TENM3: variants seen among roughly 807,000 people sequenced by gnomAD.
The protein encoded by TENM3 is teneurin-3.
TENM3 carries 63 observed loss-of-function variants against 255.1 expected under a neutral mutation model. That is an observed-to-expected ratio of 0.25 (90% confidence interval 0.20 to 0.30). TENM3 has a LOEUF of 0.30. Among genes scored for constraint, TENM3 ranks in the 10% least tolerant of loss-of-function variants. The probability of loss-of-function intolerance (pLI) is 1.00; values close to 1 mark genes in which losing one functional copy is unlikely to be tolerated. For missense variants in TENM3, 2,929 were observed against 3,461.1 expected, an observed-to-expected ratio of 0.85 and a Z score of 3.86; for synonymous variants, 1,306 against 1,322.3, an observed-to-expected ratio of 0.99 and a Z score of 0.27.
intron 1 of TENM3, among the ~76,000 whole-genome samples, chr4:182,234,030 C>T (rs753271084): frequency 4.6e-5 from 7 of 152,152 alleles, no homozygotes; most frequent in East Asian, 1.9e-4. Flanking sequence ...ATTCCTTTAT[C>T]GGCCTTAGTA....
At chr4:182,472,843 G>A (rs1733266217) in intron 3 of TENM3, among the ~76,000 whole-genome samples, 1 of 152,084 alleles carries the variant, frequency 6.6e-6, no homozygotes, top group Non-Finnish European at 1.5e-5. Flanking sequence ...AGCCTCCCAA[G>A]TAGCTAGGAC....
chr4:182,694,979 A>G lies in TENM3; in HGVS notation c.2221+6628A>G, dbSNP rs190326386. Among the ~76,000 whole-genome samples, 362 of 152,382 alleles carry G rather than the reference A, an allele frequency of 2.4e-3. 1 individual carries two copies. Among genetic ancestry groups the G allele is most frequent in the African/African-American group, 8.0e-3 (333 of 41,590 alleles). The stretch of plus-strand genomic sequence containing the variant: ...GACCACTCTGATAAGTGCTTCACTT[A>G]AATTACAAAACTCAATATTCTTTGC... On this transcript the variant is annotated intron_variant, in intron 12 of 27. Coordinates refer to ENST00000511685, the MANE Select transcript of TENM3 (RefSeq NM_001080477.4).
At chr4:181,777,405 T>C in the TENM3 span, among the ~76,000 whole-genome samples, 1 of 152,126 alleles carries the variant, frequency 6.6e-6, no homozygotes, top group African/African-American at 2.4e-5. Flanking sequence ...CTTTTTTTGT[T>C]CCATACAAAT....
At chr4:182,613,495 T>G (rs369567331) in intron 4 of TENM3, among the ~76,000 whole-genome samples, 1 of 152,202 alleles carries the variant, frequency 6.6e-6, no homozygotes, top group Non-Finnish European at 1.5e-5. Context: ...AGAAACACTT[T>G]GCTTCATATT....
At chr4:182,618,966 G>C (rs1327095318) in intron 4 of TENM3, among the ~76,000 whole-genome samples, 1 of 152,092 alleles carries the variant, frequency 6.6e-6, no homozygotes, top group Non-Finnish European at 1.5e-5. Context: ...GAGCAGGAAA[G>C]AAGAGTAATT....
At chr4:181,558,595 G>A in the TENM3 span, among the ~76,000 whole-genome samples, 2 of 152,170 alleles carry the variant, frequency 1.3e-5, no homozygotes, top group South Asian at 4.1e-4. Flanking sequence ...TGAAATAATA[G>A]GTATGCCTGG....
At chr4:181,538,946 T>A in the TENM3 span, among the ~76,000 whole-genome samples, 1 of 152,204 alleles carries the variant, frequency 6.6e-6, no homozygotes, top group East Asian at 1.9e-4. Flanking sequence ...GGCTTTTTAA[T>A]TCTGTTGGGG....
At chr4:181,900,016 TTAA>T in the TENM3 span, among the ~76,000 whole-genome samples, 3 of 152,188 alleles carry the variant, frequency 2.0e-5, no homozygotes, top group Non-Finnish European at 4.4e-5. Flanking sequence ...ATTGCTGTAA[TTAA>T]TTTAGCAGAG....
At chr4:182,772,861 T>C (rs772576439) in intron 22 of TENM3, among the ~76,000 whole-genome samples, 75 of 152,180 alleles carry the variant, frequency 4.9e-4, no homozygotes, top group African/African-American at 1.8e-3. Context: ...TCTTTCAATA[T>C]CACTGTAGAC....
the TENM3 span, among the ~76,000 whole-genome samples, chr4:181,619,131 G>A: frequency 3.9e-5 from 6 of 152,134 alleles, no homozygotes; most frequent in African/African-American, 1.2e-4. Context: ...CAAGGGGGCC[G>A]TGAGGAGATA....
chr4:181,999,750 T>C, the TENM3 span, among the ~76,000 whole-genome samples: 3 of 152,104 alleles, frequency 2.0e-5, no homozygotes, highest in Admixed American at 1.3e-4. Flanking sequence ...CAAAATCTAA[T>C]GAAGATGTTT....
the TENM3 span, among the ~76,000 whole-genome samples, chr4:181,870,024 AC>A: frequency 2.6e-5 from 4 of 152,244 alleles, no homozygotes; most frequent in East Asian, 7.7e-4. Flanking sequence ...CGTTCTGTCT[AC>A]CATGAAGGTT....
At chr4:182,743,131 T>C (rs1463303170) in intron 18 of TENM3, 39 bp from the exon 19 acceptor site, 1 of 1,559,190 alleles carries the variant, frequency 6.4e-7, no homozygotes. Context: ...CTTTACACTT[T>C]TTCATCATAA....
intron 3 of TENM3, among the ~76,000 whole-genome samples, chr4:182,451,328 G>A (rs868631768): frequency 6.6e-6 from 1 of 152,092 alleles, no homozygotes; most frequent in South Asian, 2.1e-4. Flanking sequence ...ACTTCACATG[G>A]ACTCTTCTAC....
chr4:182,530,494 G>C (rs553957218), intron 3 of TENM3, among the ~76,000 whole-genome samples: 24 of 152,270 alleles, frequency 1.6e-4, no homozygotes, highest in Non-Finnish European at 2.5e-4. Flanking sequence ...GCTTGGTCTC[G>C]AGTAGAGTTC....
At chr4:181,734,393 T>G in the TENM3 span, among the ~76,000 whole-genome samples, 1 of 152,098 alleles carries the variant, frequency 6.6e-6, no homozygotes, top group Admixed American at 6.6e-5. Flanking sequence ...TAAATACGTG[T>G]GTGAATGAAT....
chr4:181,659,056 A>G, the TENM3 span, among the ~76,000 whole-genome samples: 1 of 152,198 alleles, frequency 6.6e-6, no homozygotes, highest in Non-Finnish European at 1.5e-5. Context: ...GAACAGATTG[A>G]TAACGTTTAC....
At chr4:182,198,787 A>G (rs900382301) in intron 1 of TENM3, among the ~76,000 whole-genome samples, 2 of 152,188 alleles carry the variant, frequency 1.3e-5, no homozygotes, top group African/African-American at 2.4e-5. Flanking sequence ...AGAGGGAAGC[A>G]AAGGAATGAC....
rs115264082 is a variant in TENM3, at chr4:182,639,203, C to T, written c.988+10314C>T. 6.3e-3 allele frequency among the ~76,000 whole-genome samples: 953 copies of T among 152,214 alleles called. 15 individuals carry two copies. The highest frequency in any genetic ancestry group is 0.022 in the African/African-American group (916 of 41,528). The stretch of plus-strand genomic sequence containing the variant: ...AATTTGAAATTTGTATACCATAGTA[C>T]AATTTATTTTTAAAATACTGTTAAT... On this transcript the variant is annotated intron_variant, in intron 5 of 27. Coordinates refer to ENST00000511685, the MANE Select transcript of TENM3 (RefSeq NM_001080477.4).
Sources: gnomAD v4.1 joint callset for allele counts (sites outside exome capture counted in the v4.1 genomes callset) on GRCh38, gnomAD v4.1.1 for gene constraint, MANE v1.5 for transcripts, NCBI Gene and HGNC (gene_info 2026-07-23, HGNC 2026-07-21) for gene names.